Variants in ESR1 observed in about 807,000 individuals in gnomAD.
The protein encoded by ESR1 is estrogen receptor.
In ESR1, 12 loss-of-function variants were observed where a neutral mutation model predicts 52.7. That is an observed-to-expected ratio of 0.23 (90% CI 0.15 to 0.37). The LOEUF (loss-of-function observed/expected upper bound fraction) is 0.37. ESR1 is among the 10% of genes least tolerant of loss of function. The pLI is 1.00. For missense variants in ESR1, 584 were observed against 779.7 expected, an observed-to-expected ratio of 0.75 and a Z score of 2.99; for synonymous variants, 305 against 316.8, an observed-to-expected ratio of 0.96 and a Z score of 0.39.
At chr6:151,676,887 C>T (rs1268269369) in intron 1 of ESR1, among the ~76,000 whole-genome samples, 2 of 152,146 alleles carry the variant, frequency 1.3e-5, no homozygotes, top group Non-Finnish European at 2.9e-5. Flanking sequence ...TTTGGATGGT[C>T]CCTGAGAGCT....
chr6:152,107,886 C>G (rs1173376221), downstream of ESR1, among the ~76,000 whole-genome samples: 1 of 152,082 alleles, frequency 6.6e-6, no homozygotes. Flanking sequence ...TATTTTTAAG[C>G]CTGACTTTCT....
chr6:151,871,935 A>G (rs1251658673), intron 2 of ESR1, among the ~76,000 whole-genome samples: 1 of 152,188 alleles, frequency 6.6e-6, no homozygotes, highest in Non-Finnish European at 1.5e-5. Context: ...AGGCTGAATA[A>G]TACTCCACTG....
At chr6:151,943,209 T>C (rs560094897) in intron 3 of ESR1, among the ~76,000 whole-genome samples, 1 of 151,726 alleles carries the variant, frequency 6.6e-6, no homozygotes, top group Non-Finnish European at 1.5e-5. Flanking sequence ...CGAAACCCCG[T>C]CTCTACTAAA....
chr6:151,995,041 G>A (rs911867970), intron 4 of ESR1, among the ~76,000 whole-genome samples: 2 of 152,078 alleles, frequency 1.3e-5, no homozygotes, highest in African/African-American at 4.8e-5. Context: ...CAGCTGTGGG[G>A]TCTTTTTAGG....
At position 151,858,999 on chromosome 6, in the gene ESR1, T is replaced by C. The variant is rs1042202119; in HGVS notation, c.643+16212T>C. Among the ~76,000 whole-genome samples the C allele has an allele frequency of 2.0e-5, 3 of 152,194 alleles. No homozygotes were observed. The South Asian group carries it at 6.2e-4, about 32-fold the overall frequency. Reference sequence around the variant, plus strand: ...GGCTATGGGTAAGGTTACAGTAGCATTCTTCTAAGAAAAACTACAGGAGTA... The same window carrying C: ...GGCTATGGGTAAGGTTACAGTAGCACTCTTCTAAGAAAAACTACAGGAGTA... On this transcript the variant is annotated intron_variant, in intron 2 of 7. Coordinates refer to ENST00000206249, the MANE Select transcript of ESR1 (RefSeq NM_000125.4).
At position 151,932,087 on chromosome 6, in the gene ESR1, T is replaced by G. The variant is rs1415217949; in HGVS notation, c.761-12086T>G. ...CCCACCAACAGTGTAAAAGTCTTCC[T>G]ATTTCTCCACATCCTCTCCAGCACC... On this transcript the variant is annotated intron_variant, in intron 3 of 7. Coordinates refer to ENST00000206249, the MANE Select transcript of ESR1 (RefSeq NM_000125.4). 9.4e-5 allele frequency among the ~76,000 whole-genome samples: 14 copies of G among 149,722 alleles called. No individual in the cohort carries two copies. In the East Asian group the frequency reaches 2.8e-3, roughly 30 times the overall value.
chr6:151,865,059 C>T (rs1346088531), intron 2 of ESR1, among the ~76,000 whole-genome samples: 1 of 151,992 alleles, frequency 6.6e-6, no homozygotes, highest in African/African-American at 2.4e-5. Context: ...GCACATTGTG[C>T]ACATGTACCC....
Position 151,785,895 on chromosome 6 carries a change from T to C in ESR1, c.-70-21948T>C, listed in dbSNP as rs191728962. Among the ~76,000 whole-genome samples, 3 of 152,204 alleles carry C rather than the reference T, an allele frequency of 2.0e-5. No homozygotes were observed. The East Asian group carries it at 5.8e-4, about 29-fold the overall frequency. On this transcript the variant is annotated intron_variant, in intron 2 of 2. Transcript: ENST00000404742. The stretch of plus-strand genomic sequence containing the variant: ...CTGTGTGTTGAGTGTGAAGGAGGGG[T>C]TAATTATTCCTCTATTCATGTCCTT...
chr6:151,668,591 T>G (rs1777912408), intron 1 of ESR1, among the ~76,000 whole-genome samples: 1 of 152,066 alleles, frequency 6.6e-6, no homozygotes, highest in Non-Finnish European at 1.5e-5. Context: ...CCAGAAAAAC[T>G]CTATCAGTTC....
At chr6:151,709,662 G>T (rs1308115251) in intron 2 of ESR1, among the ~76,000 whole-genome samples, 1 of 151,804 alleles carries the variant, frequency 6.6e-6, no homozygotes, top group Non-Finnish European at 1.5e-5. Flanking sequence ...ATTCTAACAG[G>T]TGTGAGATGA....
chr6:152,105,124 T>G (rs2051048151), downstream of ESR1, among the ~76,000 whole-genome samples: 1 of 152,248 alleles, frequency 6.6e-6, no homozygotes, highest in Non-Finnish European at 1.5e-5. Context: ...TTTGTCCATC[T>G]GTATCTTTTT....
At chr6:151,973,166 A>G (rs980566470) in intron 4 of ESR1, among the ~76,000 whole-genome samples, 6 of 152,242 alleles carry the variant, frequency 3.9e-5, no homozygotes, top group East Asian at 3.8e-4. Flanking sequence ...TTGACATTAC[A>G]TATTAATCAT....
chr6:152,032,180 T>C (rs1443167304), intron 5 of ESR1, among the ~76,000 whole-genome samples: 4 of 152,140 alleles, frequency 2.6e-5, no homozygotes, highest in Non-Finnish European at 4.4e-5. Context: ...CCACAGCCAA[T>C]ATCATACTGA....
At chr6:151,702,592 T>C (rs1779880340) in intron 2 of ESR1, among the ~76,000 whole-genome samples, 1 of 152,204 alleles carries the variant, frequency 6.6e-6, no homozygotes, top group Admixed American at 6.5e-5. Flanking sequence ...TCTAACCTTC[T>C]CAATCATTAA....
chr6:151,916,592 C>T (rs2030267238), intron 3 of ESR1, among the ~76,000 whole-genome samples: 1 of 152,126 alleles, frequency 6.6e-6, no homozygotes, highest in African/African-American at 2.4e-5. Context: ...TCGATGACCT[C>T]TCTATTAAAA....
exon 7 of ESR1, chr6:152,125,384 A>C: frequency 6.5e-7 from 1 of 1,536,722 alleles, no homozygotes; most frequent in Non-Finnish European, 8.8e-7. Flanking sequence ...TATCCTGCAG[A>C]TCATCAAATC....
intron 4 of ESR1, among the ~76,000 whole-genome samples, chr6:151,967,558 C>G (rs1331958329): frequency 1.3e-5 from 2 of 152,146 alleles, no homozygotes; most frequent in Non-Finnish European, 2.9e-5. Flanking sequence ...TGTATATGTG[C>G]CACATTTTCT....
chr6:152,053,167 G>A lies in ESR1; in HGVS notation c.1236-7824G>A, dbSNP rs1044412496. On this transcript the variant is annotated intron_variant, in intron 5 of 7. Transcript: ENST00000206249. This position sits in a 1 kb window ranked among gnomAD's most constrained non-coding sequence, Gnocchi z 4.1. ...TCTCTCCTGTGATGATATTGATTCT[G>A]CACTCATCTATTTTCATTACTGTCT... Among the ~76,000 whole-genome samples, 2 of 152,054 alleles carry A rather than the reference G, an allele frequency of 1.3e-5. No homozygotes were observed. Among genetic ancestry groups the A allele is most frequent in the African/African-American group, 4.8e-5 (2 of 41,376 alleles).
intron 1 of ESR1, among the ~76,000 whole-genome samples, chr6:151,694,712 G>C (rs543427408): frequency 2.0e-5 from 3 of 151,864 alleles, no homozygotes; most frequent in African/African-American, 7.3e-5. Context: ...GCTTGAACCC[G>C]CGAAGTGGAG....
Sources: gnomAD v4.1 joint callset for allele counts (sites outside exome capture counted in the v4.1 genomes callset) on GRCh38, gnomAD v4.1.1 for gene constraint, Gnocchi (gnomAD v3.1) non-coding constraint, MANE v1.5 for transcripts, NCBI Gene and HGNC (gene_info 2026-07-23, HGNC 2026-07-21) for gene names.